Variants in GBF1 observed in about 807,000 individuals in gnomAD.
The protein encoded by GBF1 is golgi brefeldin A resistant guanine nucleotide exchange factor 1.
GBF1 carries 114 observed loss-of-function variants against 210.5 expected under a neutral mutation model. The observed-to-expected ratio is 0.54, with a 90% CI of 0.47 to 0.63. The LOEUF (loss-of-function observed/expected upper bound fraction) is 0.63, where lower values mean the gene tolerates loss of function less well. Among genes scored for constraint, GBF1 ranks in the 30% least tolerant of loss-of-function variants. The pLI is 0.00. For synonymous variants in GBF1, 850 were observed against 889.2 expected (o/e 0.96, Z 0.78); for missense variants, 1,851 against 2,357.7 (o/e 0.79, Z 4.45).
At chr10:102,355,980 G>A (rs767639528) in intron 8 of GBF1, among the ~76,000 whole-genome samples, 1 of 152,184 alleles carries the variant, frequency 6.6e-6, no homozygotes, top group Non-Finnish European at 1.5e-5. Context: ...CGGTCAGTAC[G>A]CCTGAAGCTC....
chr10:102,338,716 G>A (rs1215170870), intron 3 of GBF1, among the ~76,000 whole-genome samples: 6 of 151,790 alleles, frequency 4.0e-5, no homozygotes, highest in Admixed American at 3.3e-4. Context: ...GTAGGCCAAG[G>A]CAGGCGGATT....
chr10:102,239,845 G>A, the GBF1 span, among the ~76,000 whole-genome samples: 1 of 152,200 alleles, frequency 6.6e-6, no homozygotes, highest in South Asian at 2.1e-4. Context: ...GCAGAGTCAG[G>A]GCTGTATCCC....
intron 5 of GBF1, 146 bp from the exon 6 acceptor site, chr10:102,351,697 T>G: frequency 1.6e-6 from 1 of 628,686 alleles, no homozygotes; most frequent in South Asian, 1.9e-5. Flanking sequence ...TCATAAAAAG[T>G]GAAGAAACAA....
chr10:102,238,914 A>T, the GBF1 span, among the ~76,000 whole-genome samples: 100,225 of 152,026 alleles, frequency 0.66, 33,417 homozygotes, highest in African/African-American at 0.76. Flanking sequence ...TGCCTCTATC[A>T]TCTCTCTGGA....
At chr10:102,310,232 A>G (rs2078289030) in intron 3 of GBF1, among the ~76,000 whole-genome samples, 2 of 152,238 alleles carry the variant, frequency 1.3e-5, no homozygotes, top group African/African-American at 4.8e-5. Context: ...ATCTTGACAG[A>G]GTGGGAAAAG....
intron 3 of GBF1, among the ~76,000 whole-genome samples, chr10:102,328,510 C>A (rs943176143): frequency 6.6e-6 from 1 of 152,070 alleles, no homozygotes; most frequent in Non-Finnish European, 1.5e-5. Context: ...ATAAAAAGAC[C>A]CCTTAGTCTT....
intron 3 of GBF1, among the ~76,000 whole-genome samples, chr10:102,263,624 T>A (rs542341238): frequency 6.6e-6 from 1 of 152,280 alleles, no homozygotes; most frequent in East Asian, 1.9e-4. Context: ...AGGAATATTA[T>A]CTCATTATTG....
In GBF1 at chr10:102,360,368, G is replaced by A. The variant is rs145015153; in HGVS notation, c.1365G>A (p.Lys455=). Residue 455 remains lysine, a synonymous_variant, in exon 12 of 40, where the codon AAG becomes AAA. Coordinates refer to ENST00000369983, the MANE Select transcript of GBF1 (RefSeq NM_001377137.1). ...AQCQTLLGLI[K]DEMCRHLFQL... is the part of the protein sequence containing the mutation. ...GCCAGACCCTCTTGGGCCTCATCAAGGATGAGATGTGCCGTCACTTATTCC... is the reference window on the plus strand; with the variant it reads ...GCCAGACCCTCTTGGGCCTCATCAAAGATGAGATGTGCCGTCACTTATTCC... The A allele has an allele frequency of 3.4e-5, 54 of 1,611,296 alleles. No homozygotes were observed. Among genetic ancestry groups the A allele is most frequent in the Middle Eastern group, 1.6e-4 (1 of 6,080 alleles).
chr10:102,303,075 C>T (rs1173863153), intron 3 of GBF1, among the ~76,000 whole-genome samples: 1 of 151,102 alleles, frequency 6.6e-6, no homozygotes, highest in Non-Finnish European at 1.5e-5. Flanking sequence ...GCAACCTCCG[C>T]CTCCTGGGTT....
rs1308768735 is a variant in GBF1, at chr10:102,366,668, C to T, written c.2433+162C>T. On this transcript the variant is annotated intron_variant, in intron 19 of 39. Coordinates refer to ENST00000369983, the MANE Select transcript of GBF1 (RefSeq NM_001377137.1). This position sits in a 1 kb window ranked among gnomAD's most constrained non-coding sequence, Gnocchi z 4.0. ...GTAGCGCAGTCTCAGCACACTGCAA[C>T]CTCCACCCCCCGGGTTCAAGCAATT... Among the ~76,000 whole-genome samples, 1 of 150,642 alleles carries T rather than the reference C, an allele frequency of 6.6e-6. No homozygotes were observed. The highest frequency in any genetic ancestry group is 1.5e-5 in the Non-Finnish European group (1 of 67,890).
chr10:102,330,739 C>T (rs2057278065), intron 3 of GBF1, among the ~76,000 whole-genome samples: 1 of 151,904 alleles, frequency 6.6e-6, no homozygotes, highest in Non-Finnish European at 1.5e-5. Flanking sequence ...ATGTCTGAGG[C>T]AAATTAAGGT....
At chr10:102,260,184 T>C in intron 3 of GBF1, 68 bp downstream of exon 3, 2 of 881,444 alleles carry the variant, frequency 2.3e-6, no homozygotes, top group Non-Finnish European at 3.7e-6. Context: ...ATTGAAAGGA[T>C]AGACAAACTT....
At position 102,375,542 on chromosome 10, in the gene GBF1, G is replaced by T; in HGVS notation, c.3844G>T (p.Ala1282Ser). 6.2e-7 allele frequency: 1 copy of T among 1,613,994 alleles called. No individual in the cohort carries two copies. The highest frequency in any genetic ancestry group is 8.5e-7 in the Non-Finnish European group (1 of 1,179,890). ...CATCGGCTCAGGTGTGAAGCCTCCAGCTGCTCTGCAGGCCACAGCCAGGGC... is the reference window on the plus strand; with the variant it reads ...CATCGGCTCAGGTGTGAAGCCTCCATCTGCTCTGCAGGCCACAGCCAGGGC... ...ECIGSGVKPP[A>S]ALQATARADA... is the part of the protein sequence containing the mutation. The change falls in exon 30 of 40, where the codon GCT becomes TCT. Residue 1282 changes from alanine to serine, a missense_variant. Physicochemically the swap from Ala to Ser is moderately conservative, Grantham distance 99. Transcript: ENST00000369983.
chr10:102,369,202 C>CT lies in GBF1; in HGVS notation c.2974-5dup, dbSNP rs1375045738. ...TCGGCCTTAAGTCTGTTCTCTTCCT[C>CT]TTTTCCAGTCTATTGAGAACCTGCC... On this transcript the variant is annotated splice_polypyrimidine_tract_variant and intron_variant, in intron 23 of 39. Coordinates refer to ENST00000369983, the MANE Select transcript of GBF1 (RefSeq NM_001377137.1). 5 of 1,603,632 alleles carry CT rather than the reference C, an allele frequency of 3.1e-6. No homozygotes were observed. The African/African-American group carries it at 6.7e-5, about 21-fold the overall frequency.
intron 5 of GBF1, 110 bp from the exon 6 acceptor site, chr10:102,351,733 C>G: frequency 4.3e-6 from 3 of 693,188 alleles, no homozygotes; most frequent in Non-Finnish European, 8.0e-6. Context: ...TCTTGGAGAC[C>G]TCTCTACCAA....
At chr10:102,308,019 T>C (rs1187623315) in intron 3 of GBF1, among the ~76,000 whole-genome samples, 1 of 152,102 alleles carries the variant, frequency 6.6e-6, no homozygotes, top group Non-Finnish European at 1.5e-5. Flanking sequence ...ATAGCAAGGA[T>C]GTGGAGTAAC....
rs557309714 is a variant in GBF1, at chr10:102,312,281, G to A, written c.164-31770G>A. Reference sequence around the variant, plus strand: ...GCACTCCAGCCTGGGCAACAAGAGCGTAACTCTGTCTCAGAAAAAAAAAAA... The same window carrying A: ...GCACTCCAGCCTGGGCAACAAGAGCATAACTCTGTCTCAGAAAAAAAAAAA... On this transcript the variant is annotated intron_variant, in intron 3 of 39. Transcript: ENST00000369983. Among the ~76,000 whole-genome samples the A allele has an allele frequency of 8.0e-5, 12 of 149,766 alleles. 1 individual carries two copies. Among genetic ancestry groups the A allele is most frequent in the African/African-American group, 2.7e-4 (11 of 40,650 alleles).
rs111322337 is a variant in GBF1, at chr10:102,324,287, T to G, written c.164-19764T>G. ...TGCTCAACAGAATGGGTGTGAAATT[T>G]AGTCAGAGCCACAGCATGTGTTTCA... On this transcript the variant is annotated intron_variant, in intron 3 of 39. Transcript: ENST00000369983. Among the ~76,000 whole-genome samples the G allele has an allele frequency of 6.6e-5, 10 of 152,346 alleles. 1 individual carries two copies. The highest frequency in any genetic ancestry group is 2.2e-4 in the African/African-American group (9 of 41,576).
chr10:102,249,282 G>T (rs960101225), intron 1 of GBF1, among the ~76,000 whole-genome samples: 4 of 152,132 alleles, frequency 2.6e-5, no homozygotes, highest in African/African-American at 7.2e-5. Context: ...TACCTTGGGT[G>T]CCCTGAGTGG....
Sources: allele counts gnomAD v4.1 joint callset (sites outside exome capture counted in the v4.1 genomes callset), GRCh38; gene constraint gnomAD v4.1.1; non-coding constraint Gnocchi (gnomAD v3.1); transcripts MANE v1.5; gene names NCBI Gene and HGNC (gene_info 2026-07-23, HGNC 2026-07-21).